The following CYFIP2 variants were observed in gnomAD, a reference collection of about 807,000 sequenced individuals.
The protein encoded by CYFIP2 is cytoplasmic FMR1 interacting protein 2, also known as cytoplasmic FMR1-interacting protein 2.
Under a neutral mutation model 158.7 loss-of-function variants are expected in CYFIP2, and 29 were observed. That is an observed-to-expected ratio of 0.18 (90% confidence interval 0.14 to 0.25). The LOEUF is 0.25. CYFIP2 is among the 10% of genes least tolerant of loss of function. The pLI, the probability that CYFIP2 is intolerant of heterozygous loss-of-function variation, is 1.00. For synonymous variants in CYFIP2, 585 were observed against 617.6 expected (o/e 0.95, Z 0.78); for missense variants, 852 against 1,639.5 (o/e 0.52, Z 8.29).
intron 25 of CYFIP2, 58 bp downstream of exon 25, chr5:157,360,430 A>G: frequency 6.8e-7 from 1 of 1,465,500 alleles, no homozygotes. Context: ...GGCTCTGACC[A>G]TCCACCTTAG....
chr5:157,380,716 GT>G (rs1169245161), intron 26 of CYFIP2, among the ~76,000 whole-genome samples: 1 of 152,172 alleles, frequency 6.6e-6, no homozygotes, highest in East Asian at 1.9e-4. Flanking sequence ...AATCAAGTGG[GT>G]TTATTTCAGG....
In CYFIP2 at chr5:157,311,831, G is replaced by C; in HGVS notation, c.1110+50G>C. ...CAGGCCCGTGGGCCCAGGGCCAGAAGGGGTAAGGAGCAGCCAGGAAAGAAC... is the reference window on the plus strand; with the variant it reads ...CAGGCCCGTGGGCCCAGGGCCAGAACGGGTAAGGAGCAGCCAGGAAAGAAC... On this transcript the variant is annotated intron_variant, in intron 11 of 30. Coordinates refer to ENST00000620254, the MANE Select transcript of CYFIP2 (RefSeq NM_001037333.3). The surrounding 1 kb of genome is among the most constrained non-coding windows in gnomAD (Gnocchi z 4.7). 6.7e-7 allele frequency: 1 copy of C among 1,497,904 alleles called. No homozygotes were observed. The highest frequency in any genetic ancestry group is 9.1e-7 in the Non-Finnish European group (1 of 1,097,342). 92.8% of individuals were successfully genotyped at this position (1,497,904 alleles called of 1,614,324 possible).
chr5:157,315,190 C>G, intron 13 of CYFIP2, 96 bp downstream of exon 13: 1 of 1,492,020 alleles, frequency 6.7e-7, no homozygotes. Context: ...ATCGGTTGCC[C>G]TAATTTTCGT....
chr5:157,278,261 T>C (rs532311712), intron 1 of CYFIP2, among the ~76,000 whole-genome samples: 1 of 152,300 alleles, frequency 6.6e-6, no homozygotes, highest in East Asian at 1.9e-4. Flanking sequence ...TTATATAGCC[T>C]CTGGCTGGAG....
At position 157,294,792 on chromosome 5, in the gene CYFIP2, C is replaced by T; in HGVS notation, c.217C>T (p.Leu73=). 2.5e-6 allele frequency: 4 copies of T among 1,613,590 alleles called. No individual in the cohort carries two copies. Among genetic ancestry groups the T allele is most frequent in the Middle Eastern group, 1.7e-4 (1 of 6,060 alleles). The part of the protein sequence containing the change: ...ATVHSSMNEM[L]EEGHEYAVML... ...TGTTTTACCATTTCAGAATGAGATGCTGGAGGAAGGACATGAGTATGCGGT... is the reference window on the plus strand; with the variant it reads ...TGTTTTACCATTTCAGAATGAGATGTTGGAGGAAGGACATGAGTATGCGGT... Residue 73 remains leucine, a synonymous_variant, in exon 4 of 31, where the codon CTG becomes TTG. Transcript: ENST00000620254.
chr5:157,362,145 A>G (rs1237841362), intron 26 of CYFIP2, among the ~76,000 whole-genome samples: 3 of 152,194 alleles, frequency 2.0e-5, no homozygotes, highest in Admixed American at 1.3e-4. Context: ...CTGCTTTGCA[A>G]TTGGGTAAGG....
chr5:157,288,724 C>A, intron 3 of CYFIP2: 1 of 436,710 alleles, frequency 2.3e-6, no homozygotes, highest in Admixed American at 2.5e-5. Context: ...AATTGCATAA[C>A]TTACTCAGGG....
chr5:157,297,028 G>A (rs1405974209), intron 5 of CYFIP2, among the ~76,000 whole-genome samples: 3 of 152,206 alleles, frequency 2.0e-5, no homozygotes, highest in African/African-American at 7.2e-5. Context: ...AATATTCAGG[G>A]AATAATAAGT....
intron 23 of CYFIP2, chr5:157,343,533 TC>T: frequency 5.2e-6 from 8 of 1,547,510 alleles, no homozygotes; most frequent in Non-Finnish European, 7.0e-6. Context: ...ACCTCGATGT[TC>T]ATCCCGATTC....
chr5:157,284,864 T>C (rs1757252588), intron 1 of CYFIP2, among the ~76,000 whole-genome samples: 1 of 152,228 alleles, frequency 6.6e-6, no homozygotes, highest in African/African-American at 2.4e-5. Context: ...TGGTTTTCAG[T>C]TGATTATCTT....
At chr5:157,323,086 G>A in intron 15 of CYFIP2, 2 of 1,363,210 alleles carry the variant, frequency 1.5e-6, no homozygotes, top group African/African-American at 1.4e-5. Flanking sequence ...GACTAGCCTG[G>A]CTCCTCAAGG....
intron 26 of CYFIP2, among the ~76,000 whole-genome samples, chr5:157,378,605 C>T (rs1027643617): frequency 7.2e-5 from 11 of 152,086 alleles, no homozygotes; most frequent in African/African-American, 9.7e-5. Context: ...GCTCCTGGAT[C>T]GAAATGTCAG....
chr5:157,304,609 A>G (rs1043321898), intron 8 of CYFIP2: 7 of 371,876 alleles, frequency 1.9e-5, no homozygotes, highest in Non-Finnish European at 3.4e-5. Context: ...ATTCTGTTGT[A>G]TTGGAACATT....
At chr5:157,322,606 G>T (rs779396640) in intron 15 of CYFIP2, among the ~76,000 whole-genome samples, 15 of 152,188 alleles carry the variant, frequency 9.9e-5, no homozygotes, top group Non-Finnish European at 1.3e-4. Context: ...GCAGATGGGG[G>T]ACTGTCTGAG....
chr5:157,391,430 G>A (rs1686868799), intron 30 of CYFIP2, among the ~76,000 whole-genome samples: 2 of 151,976 alleles, frequency 1.3e-5, no homozygotes, highest in Admixed American at 1.3e-4. Context: ...GAAACTCCGG[G>A]CCCATTAAAA....
chr5:157,266,783 CT>C lies in CYFIP2; in HGVS notation c.-24+591del, dbSNP rs941804810. The C allele has an allele frequency of 1.3e-5, 2 of 152,440 alleles. No individual in the cohort carries two copies. Among genetic ancestry groups the C allele is most frequent in the Admixed American group, 1.3e-4 (2 of 15,286 alleles). 9.4% of individuals were successfully genotyped at this position (152,440 alleles called of 1,614,324 possible). A position where few individuals can be genotyped will look rare whatever the true frequency, so the allele number is the denominator to read the frequency against. ...GGAGCAGGTCTGACCCGCTTGGAAG[CT>C]TTCTGGCCTACACTAGCATCGCTCA... On this transcript the variant is annotated intron_variant, in intron 1 of 30. Transcript: ENST00000620254. This position sits in a 1 kb window ranked among gnomAD's most constrained non-coding sequence, Gnocchi z 4.2.
At chr5:157,285,017 G>A (rs1022028971) in intron 1 of CYFIP2, among the ~76,000 whole-genome samples, 4 of 152,134 alleles carry the variant, frequency 2.6e-5, no homozygotes, top group Admixed American at 1.3e-4. Flanking sequence ...TTGTGGTCAC[G>A]TGACTGTGTG....
chr5:157,287,576 G>A (rs567607979), intron 3 of CYFIP2, among the ~76,000 whole-genome samples: 3 of 152,220 alleles, frequency 2.0e-5, no homozygotes, highest in Non-Finnish European at 4.4e-5. Flanking sequence ...CTCTCTTAGA[G>A]TCTGATTCAT....
In CYFIP2 at chr5:157,306,834, A is replaced by G. The variant is rs551789906; in HGVS notation, c.796-927A>G. Among the ~76,000 whole-genome samples the G allele has an allele frequency of 5.9e-5, 9 of 151,638 alleles. 1 individual carries two copies. In the South Asian group the frequency reaches 1.9e-3, roughly 32 times the overall value. On this transcript the variant is annotated intron_variant, in intron 8 of 30. Coordinates refer to ENST00000620254, the MANE Select transcript of CYFIP2 (RefSeq NM_001037333.3). Reference sequence around the variant, plus strand: ...GAGGTTGAGGCTGCAGTGAGCTGTGATCATACCACTGCACTCCAGCCCGGG... The same window carrying G: ...GAGGTTGAGGCTGCAGTGAGCTGTGGTCATACCACTGCACTCCAGCCCGGG...
Sources: gnomAD v4.1 joint callset for allele counts (sites outside exome capture counted in the v4.1 genomes callset) on GRCh38, gnomAD v4.1.1 for gene constraint, Gnocchi (gnomAD v3.1) non-coding constraint, MANE v1.5 for transcripts, NCBI Gene and HGNC (gene_info 2026-07-23, HGNC 2026-07-21) for gene names.